WDR41: variants seen among roughly 807,000 people sequenced by gnomAD.
The protein encoded by WDR41 is WD repeat domain 41.
A neutral mutation model predicts 69.3 loss-of-function variants in WDR41; 63 were observed. That is an observed-to-expected ratio of 0.91 (90% CI 0.74 to 1.12). The LOEUF (loss-of-function observed/expected upper bound fraction) is 1.12, where lower values mean the gene tolerates loss of function less well. Ranked by LOEUF, WDR41 falls within the 50% of genes most tolerant of loss-of-function variation. The probability of loss-of-function intolerance (pLI) is 0.00; values close to 1 mark genes in which losing one functional copy is unlikely to be tolerated. For missense variants in WDR41, 543 were observed against 534.5 expected, an observed-to-expected ratio of 1.02 and a Z score of -0.16; for synonymous variants, 185 against 192.1, an observed-to-expected ratio of 0.96 and a Z score of 0.31.
intron 1 of WDR41, among the ~76,000 whole-genome samples, chr5:77,534,388 A>C (rs1483702371): frequency 2.0e-5 from 3 of 152,166 alleles, no homozygotes; most frequent in Non-Finnish European, 2.9e-5. Flanking sequence ...AAGGGTAACT[A>C]AGCAGAGACA....
chr5:77,566,681 AT>A (rs1214832748), intron 1 of WDR41, among the ~76,000 whole-genome samples: 1 of 152,154 alleles, frequency 6.6e-6, no homozygotes, highest in East Asian at 1.9e-4. Flanking sequence ...TTAAAAGAAT[AT>A]GCTTTTGAAA....
chr5:77,569,221 C>T (rs1413855437), intron 1 of WDR41, among the ~76,000 whole-genome samples: 1 of 152,076 alleles, frequency 6.6e-6, no homozygotes, highest in African/African-American at 2.4e-5. Flanking sequence ...GAACTTACTT[C>T]ATCTTTCAAG....
intron 2 of WDR41, among the ~76,000 whole-genome samples, chr5:77,469,860 T>C (rs1800491778): frequency 6.6e-6 from 1 of 152,128 alleles, no homozygotes; most frequent in Non-Finnish European, 1.5e-5. Context: ...CTCTGCAGGA[T>C]ATTATACAGG....
intron 1 of WDR41, among the ~76,000 whole-genome samples, chr5:77,508,458 T>C (rs1372298850): frequency 6.6e-6 from 1 of 152,216 alleles, no homozygotes; most frequent in Non-Finnish European, 1.5e-5. Flanking sequence ...CTTTATTTGA[T>C]TAGACATTGT....
intron 2 of WDR41, among the ~76,000 whole-genome samples, chr5:77,465,372 G>A (rs1800259258): frequency 6.6e-6 from 1 of 151,964 alleles, no homozygotes; most frequent in Non-Finnish European, 1.5e-5. Flanking sequence ...GGTAAAGCTT[G>A]TCTTATGGCA....
chr5:77,500,226 A>G (rs139168513), intron 1 of WDR41, among the ~76,000 whole-genome samples: 1 of 152,370 alleles, frequency 6.6e-6, no homozygotes, highest in African/African-American at 2.4e-5. Context: ...AACACAATGT[A>G]TCAGCAAAGA....
At chr5:77,454,232 T>TA (rs1275977546) in intron 5 of WDR41, among the ~76,000 whole-genome samples, 1 of 152,168 alleles carries the variant, frequency 6.6e-6, no homozygotes, top group African/African-American at 2.4e-5. Flanking sequence ...AAGGTCCATG[T>TA]AGCAAAGAGC....
chr5:77,545,200 C>T lies in WDR41; in HGVS notation c.43-55628G>A, dbSNP rs111603936. Among the ~76,000 whole-genome samples the T allele has an allele frequency of 5.6e-3, 848 of 150,224 alleles. 14 individuals carry two copies. The highest frequency in any genetic ancestry group is 0.019 in the African/African-American group (795 of 41,040). ...AGAGGAAAGTTCCTAGCCCTAAATG[C>T]CTACATCAAAAAGTCTGAAAGAGCA... On this transcript the variant is annotated intron_variant, in intron 1 of 5. Transcript: ENST00000509971.
At chr5:77,487,610 C>G (rs527802649) in intron 2 of WDR41, among the ~76,000 whole-genome samples, 26 of 152,292 alleles carry the variant, frequency 1.7e-4, no homozygotes, top group Middle Eastern at 3.4e-3. Context: ...AAGGGAGTCT[C>G]TAAATCCTTG....
intron 1 of WDR41, among the ~76,000 whole-genome samples, chr5:77,598,058 T>A (rs1744256722): frequency 6.6e-6 from 1 of 152,176 alleles, no homozygotes; most frequent in African/African-American, 2.4e-5. Context: ...AGAAACTATC[T>A]CATAGAGACA....
chr5:77,478,889 C>T (rs1801092594), intron 2 of WDR41, among the ~76,000 whole-genome samples: 2 of 151,696 alleles, frequency 1.3e-5, no homozygotes, highest in African/African-American at 4.9e-5. Flanking sequence ...TCAAACTGTC[C>T]CTGTTTGTAG....
chr5:77,540,444 A>G (rs1029855434), intron 1 of WDR41: 4 of 152,248 alleles, frequency 2.6e-5, no homozygotes, highest in Admixed American at 2.0e-4. Flanking sequence ...GCTAAGAGCT[A>G]ATGACATTCT....
chr5:77,490,544 G>C (rs163023), intron 1 of WDR41, among the ~76,000 whole-genome samples: 95,828 of 151,910 alleles, frequency 0.63, 31,844 homozygotes, highest in African/African-American at 0.84. Context: ...AACTCAATTA[G>C]ATTTATATGA....
At chr5:77,442,108 A>AT (rs1159281913) in intron 8 of WDR41, among the ~76,000 whole-genome samples, 2 of 152,138 alleles carry the variant, frequency 1.3e-5, no homozygotes, top group Admixed American at 1.3e-4. Context: ...ATACATTAGT[A>AT]TTTTTTTCAA....
Position 77,616,338 on chromosome 5 carries a change from A to C in WDR41, c.42+4141T>G, listed in dbSNP as rs1436118805. Reference sequence around the variant, plus strand: ...TTTCAACAGCTTTTTCTTTGTGCACATGGAAAGCCTGCAGATTTCCATGCA... The same window carrying C: ...TTTCAACAGCTTTTTCTTTGTGCACCTGGAAAGCCTGCAGATTTCCATGCA... On this transcript the variant is annotated intron_variant, in intron 1 of 5. Coordinates refer to the WDR41 transcript ENST00000509971. 4.6e-5 allele frequency among the ~76,000 whole-genome samples: 7 copies of C among 152,214 alleles called. No homozygotes were observed. In the East Asian group the frequency reaches 9.6e-4, roughly 21 times the overall value.
At chr5:77,549,532 C>A (rs1743259139) in intron 1 of WDR41, among the ~76,000 whole-genome samples, 1 of 151,658 alleles carries the variant, frequency 6.6e-6, no homozygotes, top group Non-Finnish European at 1.5e-5. Context: ...AAAACACCCC[C>A]AAAAAAACAA....
At chr5:77,512,745 C>CAAAAAAAAAAAAAAAAAA (rs71606301) in intron 1 of WDR41, among the ~76,000 whole-genome samples, 16 of 74,068 alleles carry the variant, frequency 2.2e-4, no homozygotes, top group South Asian at 4.3e-4. Flanking sequence ...GACTCCATCT[C>CAAAAAAAAAAAAAAAAAA]AAAAAAAAAA....
intron 1 of WDR41, among the ~76,000 whole-genome samples, chr5:77,610,450 T>G (rs578182525): frequency 2.0e-5 from 3 of 152,112 alleles, no homozygotes; most frequent in Admixed American, 6.6e-5. Flanking sequence ...GACTAACAGC[T>G]GATCTCTCAG....
chr5:77,469,184 C>G (rs140273789), intron 2 of WDR41, among the ~76,000 whole-genome samples: 2,758 of 151,884 alleles, frequency 0.018, 35 homozygotes, highest in Middle Eastern at 0.061. Flanking sequence ...TAGGTGGGAA[C>G]TGAAGAATGA....
Sources: gnomAD v4.1 joint callset for allele counts (sites outside exome capture counted in the v4.1 genomes callset) on GRCh38, gnomAD v4.1.1 for gene constraint, MANE v1.5 for transcripts, NCBI Gene and HGNC (gene_info 2026-07-23, HGNC 2026-07-21) for gene names.